The following CTNNA3 variants were observed in gnomAD, a reference collection of about 807,000 sequenced individuals.
The protein encoded by CTNNA3 is catenin alpha-3.
A neutral mutation model predicts 95.7 loss-of-function variants in CTNNA3; 76 were observed. That is an observed-to-expected ratio of 0.79 (90% CI 0.66 to 0.96). The LOEUF (loss-of-function observed/expected upper bound fraction) is 0.96, where lower values mean the gene tolerates loss of function less well. CTNNA3 is among the 40% of genes least tolerant of loss of function. The pLI is 0.00. For synonymous variants in CTNNA3, 431 were observed against 374.4 expected, an observed-to-expected ratio of 1.15 and a Z score of -1.74; for missense variants, 1,191 against 1,089.8, an observed-to-expected ratio of 1.09 and a Z score of -1.31.
chr10:66,230,156 T>C (rs1018116654), intron 13 of CTNNA3, among the ~76,000 whole-genome samples: 1 of 152,202 alleles, frequency 6.6e-6, no homozygotes, highest in African/African-American at 2.4e-5. Flanking sequence ...GATTGTCTAT[T>C]TGTGTTCTCA....
intron 7 of CTNNA3, among the ~76,000 whole-genome samples, chr10:67,044,741 A>G (rs1399945150): frequency 6.6e-6 from 1 of 152,224 alleles, no homozygotes; most frequent in Non-Finnish European, 1.5e-5. Flanking sequence ...AAGTAACATA[A>G]TAGATATTTT....
chr10:67,386,297 T>G (rs1394922358), intron 5 of CTNNA3, among the ~76,000 whole-genome samples: 2 of 152,218 alleles, frequency 1.3e-5, no homozygotes, highest in Non-Finnish European at 1.5e-5. Context: ...ATCTCATTTA[T>G]TTACGTTCGG....
chr10:66,820,612 T>C (rs1842273741), intron 7 of CTNNA3, among the ~76,000 whole-genome samples: 1 of 147,356 alleles, frequency 6.8e-6, no homozygotes, highest in African/African-American at 2.5e-5. Flanking sequence ...GAAAAGTATA[T>C]GGTAACATAC....
intron 9 of CTNNA3, among the ~76,000 whole-genome samples, chr10:66,668,781 C>T (rs1212070945): frequency 6.6e-6 from 1 of 151,960 alleles, no homozygotes; most frequent in Non-Finnish European, 1.5e-5. Context: ...CACTGCACTC[C>T]AGCCTGGGCG....
chr10:66,280,743 A>AT, intron 12 of CTNNA3, 122 bp from the exon 13 acceptor site: 1 of 635,142 alleles, frequency 1.6e-6, no homozygotes, highest in Non-Finnish European at 2.5e-6. Context: ...CTTTAATTGT[A>AT]TTTTTTAAAT....
intron 13 of CTNNA3, among the ~76,000 whole-genome samples, chr10:66,272,803 TG>T (rs1158005362): frequency 1.3e-5 from 2 of 152,148 alleles, no homozygotes; most frequent in African/African-American, 4.8e-5. Context: ...AATACTACAC[TG>T]CCCCCAACCC....
intron 6 of CTNNA3, among the ~76,000 whole-genome samples, chr10:67,186,727 A>G (rs893149075): frequency 6.6e-6 from 1 of 152,200 alleles, no homozygotes; most frequent in South Asian, 2.1e-4. Flanking sequence ...AAAGACAATC[A>G]ATAGGATATT....
intron 15 of CTNNA3, among the ~76,000 whole-genome samples, chr10:66,049,217 C>T (rs1231054906): frequency 2.0e-5 from 3 of 152,078 alleles, no homozygotes; most frequent in African/African-American, 7.2e-5. Flanking sequence ...TAGAGAAATG[C>T]AAATTGAAAC....
At chr10:66,601,185 C>T (rs1339257227) in intron 10 of CTNNA3, among the ~76,000 whole-genome samples, 3 of 151,720 alleles carry the variant, frequency 2.0e-5, no homozygotes, top group Non-Finnish European at 4.4e-5. Context: ...TCTTACCAAA[C>T]GCACAACCAT....
intron 9 of CTNNA3, among the ~76,000 whole-genome samples, chr10:66,689,992 C>T (rs1255452307): frequency 6.6e-6 from 1 of 151,930 alleles, no homozygotes; most frequent in African/African-American, 2.4e-5. Flanking sequence ...GAAAATAGAA[C>T]AAAGAGGATA....
At chr10:65,960,842 G>A (rs1409555973) in intron 17 of CTNNA3, among the ~76,000 whole-genome samples, 1 of 152,138 alleles carries the variant, frequency 6.6e-6, no homozygotes, top group East Asian at 1.9e-4. Context: ...GGATGTGAAG[G>A]ACATAATTAA....
intron 11 of CTNNA3, among the ~76,000 whole-genome samples, chr10:66,426,425 T>G (rs1056472084): frequency 2.0e-5 from 3 of 152,136 alleles, no homozygotes; most frequent in Admixed American, 6.6e-5. Flanking sequence ...TTTAATTTAC[T>G]CTTCTTGCTG....
At chr10:66,131,542 A>C (rs983958975) in intron 13 of CTNNA3, among the ~76,000 whole-genome samples, 1 of 152,196 alleles carries the variant, frequency 6.6e-6, no homozygotes, top group African/African-American at 2.4e-5. Context: ...GAGAACTAGA[A>C]AAACTATTTT....
chr10:66,508,996 C>T (rs1232320954), intron 11 of CTNNA3, among the ~76,000 whole-genome samples: 1 of 152,062 alleles, frequency 6.6e-6, no homozygotes. Context: ...AGTTTATATT[C>T]CCACCAACAG....
chr10:67,310,677 G>T (rs1257315633), intron 5 of CTNNA3, among the ~76,000 whole-genome samples: 4 of 152,116 alleles, frequency 2.6e-5, no homozygotes, highest in Non-Finnish European at 5.9e-5. Flanking sequence ...TTCTTCACAT[G>T]GTGACAGGAG....
rs993357886 is a variant in CTNNA3, at chr10:67,320,874, A to G, written c.580-101004T>C. ...AAGAGAATTGAGATTGGAAGGAAAC[A>G]TTTCTGCTGTTTTTAATTAACAAAT... is the stretch of plus-strand genomic sequence containing the variant. On this transcript the variant is annotated intron_variant, in intron 5 of 17. Coordinates refer to ENST00000433211, the MANE Select transcript of CTNNA3 (RefSeq NM_013266.4). 2.0e-5 allele frequency among the ~76,000 whole-genome samples: 3 copies of G among 152,178 alleles called. No homozygotes were observed. In the South Asian group the frequency reaches 6.2e-4, roughly 31 times the overall value.
At chr10:66,595,004 C>T (rs1351355023) in intron 10 of CTNNA3, among the ~76,000 whole-genome samples, 3 of 152,068 alleles carry the variant, frequency 2.0e-5, no homozygotes, top group African/African-American at 7.2e-5. Flanking sequence ...ACAATTATCT[C>T]GTTTGAGTGA....
chr10:66,612,431 T>G (rs909027132), intron 10 of CTNNA3, among the ~76,000 whole-genome samples: 4 of 152,106 alleles, frequency 2.6e-5, no homozygotes, highest in African/African-American at 7.2e-5. Flanking sequence ...CCCCTTCACT[T>G]GGCACTAAGG....
intron 15 of CTNNA3, among the ~76,000 whole-genome samples, chr10:66,009,081 C>CA (rs1244957143): frequency 1.3e-5 from 2 of 151,662 alleles, no homozygotes; most frequent in African/African-American, 4.9e-5. Context: ...GCCTGGGTGA[C>CA]AGAGTGAGAC....
Sources: gnomAD v4.1 joint callset for allele counts (sites outside exome capture counted in the v4.1 genomes callset) on GRCh38, gnomAD v4.1.1 for gene constraint, MANE v1.5 for transcripts, NCBI Gene and HGNC (gene_info 2026-07-23, HGNC 2026-07-21) for gene names.